CEP112: variants seen among roughly 807,000 people sequenced by gnomAD.
The protein encoded by CEP112 is centrosomal protein of 112 kDa.
A neutral mutation model predicts 153.0 loss-of-function variants in CEP112; 127 were observed. The observed-to-expected ratio is 0.83, with a 90% CI of 0.72 to 0.96. The LOEUF is 0.96. Ranked by LOEUF, CEP112 falls within the 40% of genes least tolerant of loss-of-function variation. CEP112 has a pLI of 0.00. For missense variants in CEP112, 1,089 were observed against 1,101.2 expected, an observed-to-expected ratio of 0.99 and a Z score of 0.16; for synonymous variants, 358 against 374.4, an observed-to-expected ratio of 0.96 and a Z score of 0.51.
At position 65,853,558 on chromosome 17, in the gene CEP112, G is replaced by C. The variant is rs542514066; in HGVS notation, c.2164-1524C>G. 3.1e-4 allele frequency among the ~76,000 whole-genome samples: 47 copies of C among 152,106 alleles called. 1 individual carries two copies. In the South Asian group the frequency reaches 8.1e-3, roughly 26 times the overall value. ...AGCCTGGCCAAGATGGTGAAACCCC[G>C]TCTCTACTGAAAATGCAAAAATTAG... On this transcript the variant is annotated intron_variant, in intron 20 of 26. Transcript: ENST00000535342.
intron 21 of CEP112, among the ~76,000 whole-genome samples, chr17:65,784,021 C>G (rs2054137869): frequency 6.6e-6 from 1 of 152,120 alleles, no homozygotes; most frequent in Admixed American, 6.5e-5. Context: ...TTAAATAGGA[C>G]TGAGGTTTAG....
intron 12 of CEP112, among the ~76,000 whole-genome samples, chr17:66,035,270 G>C (rs2065685938): frequency 6.6e-6 from 1 of 152,002 alleles, no homozygotes; most frequent in Non-Finnish European, 1.5e-5. Flanking sequence ...AACTATGAGA[G>C]GACGTGGTTC....
chr17:66,179,420 A>C (rs969628138), intron 2 of CEP112, among the ~76,000 whole-genome samples: 16 of 151,970 alleles, frequency 1.1e-4, no homozygotes, highest in Admixed American at 4.6e-4. Flanking sequence ...TCTTTGGTTA[A>C]TTCCTAGGTA....
intron 24 of CEP112, among the ~76,000 whole-genome samples, chr17:65,657,768 G>A (rs527825718): frequency 1.3e-5 from 2 of 152,278 alleles, no homozygotes; most frequent in South Asian, 2.1e-4. Flanking sequence ...TATAGAATAA[G>A]GCTGATACTC....
chr17:65,745,703 C>G (rs1421027), intron 22 of CEP112, among the ~76,000 whole-genome samples: 8 of 152,030 alleles, frequency 5.3e-5, no homozygotes, highest in African/African-American at 1.9e-4. Context: ...TTTAGTTCTG[C>G]GCAGTTTAAC....
Position 65,704,315 on chromosome 17 carries a change from A to G in CEP112, c.2608-15097T>C, listed in dbSNP as rs534329060. ...GAGATAATAGCTTCTCGTTGTTTCA[A>G]CCCACCCAGTTTTTGGTTCTTTGTT... On this transcript the variant is annotated intron_variant, in intron 23 of 26. Transcript: ENST00000535342. Among the ~76,000 whole-genome samples the G allele has an allele frequency of 1.4e-3, 214 of 152,178 alleles. 1 individual carries two copies. The highest frequency in any genetic ancestry group is 4.3e-3 in the African/African-American group (177 of 41,506).
intron 20 of CEP112, among the ~76,000 whole-genome samples, chr17:65,863,457 C>A (rs2058373506): frequency 6.6e-6 from 1 of 152,052 alleles, no homozygotes; most frequent in Non-Finnish European, 1.5e-5. Context: ...GGGTTCAGGC[C>A]ATAGGCATGA....
Position 66,176,963 on chromosome 17 carries a change from G to C in CEP112, c.164C>G (p.Ala55Gly), listed in dbSNP as rs1336086734. ...CCGATTCTTCCTCCCCATTATTCCT[G>C]CACCTGTTCCTGAAGGTTCGCACAG... is the stretch of plus-strand genomic sequence containing the variant. ...RKLCEPSGTG[A>G]GIMGRKNRNL... Residue 55 changes from alanine (A) to glycine (G), a missense_variant, in exon 3 of 27, where the codon GCA becomes GGA. Ala to Gly is a moderately conservative substitution (Grantham distance 60). Coordinates refer to ENST00000535342, the MANE Select transcript of CEP112 (RefSeq NM_001199165.4). 1.9e-6 allele frequency: 3 copies of C among 1,613,642 alleles called. No homozygotes were observed. The highest frequency in any genetic ancestry group is 2.5e-6 in the Non-Finnish European group (3 of 1,179,830).
At chr17:66,029,812 C>T in intron 13 of CEP112, 57 bp downstream of exon 13, 1 of 1,437,806 alleles carries the variant, frequency 7.0e-7, no homozygotes. Context: ...ATAACTGATA[C>T]AGTTAATATC....
chr17:66,046,479 T>C (rs765534978), intron 12 of CEP112, among the ~76,000 whole-genome samples: 2 of 152,240 alleles, frequency 1.3e-5, no homozygotes, highest in Non-Finnish European at 2.9e-5. Context: ...GGATCTTCCA[T>C]GAGCATATTA....
At chr17:66,083,771 A>C (rs771650144) in intron 8 of CEP112, among the ~76,000 whole-genome samples, 3 of 152,144 alleles carry the variant, frequency 2.0e-5, no homozygotes, top group Non-Finnish European at 4.4e-5. Flanking sequence ...GAATTGCTCG[A>C]ACCTGGGAGG....
intron 20 of CEP112, among the ~76,000 whole-genome samples, chr17:65,864,011 C>T (rs923007957): frequency 2.7e-5 from 4 of 150,898 alleles, no homozygotes; most frequent in African/African-American, 4.9e-5. Flanking sequence ...ACAGGGGGCA[C>T]GCACCTGTAG....
Position 65,961,464 on chromosome 17 carries a change from T to C in CEP112, c.1871A>G (p.Gln624Arg). The C allele has an allele frequency of 6.2e-7, 1 of 1,602,248 alleles. No homozygotes were observed. Among genetic ancestry groups the C allele is most frequent in the Non-Finnish European group, 8.5e-7 (1 of 1,170,942 alleles). Residue 624 changes from glutamine to arginine, a missense_variant and splice_region_variant, in exon 18 of 27, where the codon CAG (glutamine) becomes CGG (arginine). Physicochemically the swap from Gln to Arg is conservative, Grantham distance 43. Coordinates refer to ENST00000535342, the MANE Select transcript of CEP112 (RefSeq NM_001199165.4). The part of the protein sequence containing the change: ...SEKVYAEMKE[Q>R]MEKVEADLTR... ...GGGATGGTGTGGCAGCCTCCTTACC[T>C]GCTCTTTCATTTCAGCATAGACTTT...
intron 21 of CEP112, among the ~76,000 whole-genome samples, chr17:65,826,720 C>T (rs542673573): frequency 1.9e-4 from 29 of 152,260 alleles, no homozygotes; most frequent in South Asian, 1.9e-3. Flanking sequence ...GAGAACATTT[C>T]GAAATACAGA....
chr17:65,998,938 A>G (rs998302394), intron 17 of CEP112, among the ~76,000 whole-genome samples: 1 of 152,110 alleles, frequency 6.6e-6, no homozygotes, highest in Non-Finnish European at 1.5e-5. Flanking sequence ...AAAACCACCT[A>G]AAAGAGTTCA....
chr17:66,116,344 C>A (rs2069292224), intron 6 of CEP112, among the ~76,000 whole-genome samples: 2 of 151,986 alleles, frequency 1.3e-5, no homozygotes, highest in Admixed American at 1.3e-4. Flanking sequence ...TTGCAAAGAT[C>A]CAGCTTCTGT....
rs2071037701 is a variant in CEP112 at position 66,148,846 on chromosome 17, C to A, written c.471-16083G>T. 2.0e-5 allele frequency among the ~76,000 whole-genome samples: 3 copies of A among 151,932 alleles called. 1 individual carries two copies. The highest frequency in any genetic ancestry group is 2.0e-4 in the Admixed American group (3 of 15,260). On this transcript the variant is annotated intron_variant, in intron 4 of 26. Transcript: ENST00000535342. Reference sequence around the variant, plus strand: ...TCATTTTGGATGACTTTTTCTTTTTCTTTTTCTTGCGAATTGCCTATGTTG... The same window carrying A: ...TCATTTTGGATGACTTTTTCTTTTTATTTTTCTTGCGAATTGCCTATGTTG...
At chr17:66,062,837 G>A in intron 11 of CEP112, 126 bp downstream of exon 11, 1 of 468,816 alleles carries the variant, frequency 2.1e-6, no homozygotes, top group Non-Finnish European at 3.7e-6. Context: ...TTTCTAAACA[G>A]CCTGGAATTT....
At chr17:66,145,655 T>C (rs955786082) in intron 4 of CEP112, among the ~76,000 whole-genome samples, 3 of 152,162 alleles carry the variant, frequency 2.0e-5, no homozygotes, top group Non-Finnish European at 4.4e-5. Context: ...GGCTCACTTC[T>C]GGAATTTCTA....
Sources: allele counts gnomAD v4.1 joint callset (sites outside exome capture counted in the v4.1 genomes callset), GRCh38; gene constraint gnomAD v4.1.1; transcripts MANE v1.5; gene names NCBI Gene and HGNC (gene_info 2026-07-23, HGNC 2026-07-21).